Variants in ATF7IP observed in about 807,000 individuals in gnomAD.
ATF7IP encodes the protein activating transcription factor 7-interacting protein 1.
ATF7IP carries 23 observed loss-of-function variants against 106.4 expected under a neutral mutation model. That is an observed-to-expected ratio of 0.22 (90% confidence interval 0.16 to 0.31). The LOEUF (loss-of-function observed/expected upper bound fraction) is 0.31. Among genes scored for constraint, ATF7IP ranks in the 10% least tolerant of loss-of-function variants. The probability of loss-of-function intolerance (pLI) is 1.00; values close to 1 mark genes in which losing one functional copy is unlikely to be tolerated. For synonymous variants in ATF7IP, 542 were observed against 539.0 expected, an observed-to-expected ratio of 1.01 and a Z score of -0.08; for missense variants, 1,334 against 1,524.3, an observed-to-expected ratio of 0.88 and a Z score of 2.08.
chr12:14,471,785 C>T (rs1243654701), intron 10 of ATF7IP, among the ~76,000 whole-genome samples: 1 of 152,262 alleles, frequency 6.6e-6, no homozygotes, highest in African/African-American at 2.4e-5. Context: ...ACCTCCCACC[C>T]AGTCCCTCCC....
chr12:14,400,095 TA>T lies in ATF7IP; in HGVS notation c.-7-23813del, dbSNP rs1160432210. Among the ~76,000 whole-genome samples the T allele has an allele frequency of 7.9e-5, 12 of 152,340 alleles. No individual in the cohort carries two copies. The East Asian group carries it at 1.9e-3, about 24-fold the overall frequency. On this transcript the variant is annotated intron_variant, in intron 1 of 14. Transcript: ENST00000261168. ...TGTCTGATGAACTTAACTGTTCAAA[TA>T]CCAATTACATGAGTGAATTTTCATG...
At chr12:14,413,951 G>A (rs1941063041) in intron 1 of ATF7IP, among the ~76,000 whole-genome samples, 1 of 152,110 alleles carries the variant, frequency 6.6e-6, no homozygotes, top group Admixed American at 6.6e-5. Flanking sequence ...AATTATATGT[G>A]TCAGTATAGC....
In ATF7IP at chr12:14,425,486, CTTAAATG is replaced by C. The variant is rs1941795830; in HGVS notation, c.1558+19_1558+25del. The C allele has an allele frequency of 3.3e-6, 5 of 1,497,822 alleles. No individual in the cohort carries two copies. Among genetic ancestry groups the C allele is most frequent in the Non-Finnish European group, 4.4e-6 (5 of 1,125,968 alleles). 92.8% of individuals were successfully genotyped at this position (1,497,822 alleles called of 1,614,324 possible). On this transcript the variant is annotated intron_variant, in intron 2 of 14. Coordinates refer to ENST00000261168, the MANE Select transcript of ATF7IP (RefSeq NM_018179.5). The stretch of plus-strand genomic sequence containing the variant: ...ACGTGCTCTCCAGGTTAGCATATAA[CTTAAATG>C]TTAAAGATTTTTTATTGACTTTGAT...
chr12:14,401,714 C>CTT (rs3083699), intron 1 of ATF7IP, among the ~76,000 whole-genome samples: 885 of 76,876 alleles, frequency 0.012, 56 homozygotes, highest in Middle Eastern at 0.034. Context: ...AGAGATTAAG[C>CTT]TTTTTTTTTT....
At chr12:14,462,366 A>G (rs1943675301) in intron 9 of ATF7IP, among the ~76,000 whole-genome samples, 1 of 151,882 alleles carries the variant, frequency 6.6e-6, no homozygotes, top group African/African-American at 2.4e-5. Context: ...ATTTTTCTGT[A>G]ACTTCTTTTT....
At chr12:14,485,253 G>A (rs1487238294) in intron 13 of ATF7IP, among the ~76,000 whole-genome samples, 1 of 151,898 alleles carries the variant, frequency 6.6e-6, no homozygotes, top group Non-Finnish European at 1.5e-5. Context: ...AAATGGGCTG[G>A]AGTAACACAC....
chr12:14,376,371 TG>T (rs1215724498), intron 1 of ATF7IP, among the ~76,000 whole-genome samples: 2 of 152,248 alleles, frequency 1.3e-5, no homozygotes, highest in Non-Finnish European at 2.9e-5. Context: ...CCATAAAGTT[TG>T]TTAAATGATT....
Position 14,466,383 on chromosome 12 carries a change from C to T in ATF7IP, c.2798-143C>T, listed in dbSNP as rs989052821. 1.8e-5 allele frequency: 12 copies of T among 672,766 alleles called. No homozygotes were observed. In the African/African-American group the frequency reaches 2.2e-4, roughly 12 times the overall value. 41.7% of individuals were successfully genotyped at this position (672,766 alleles called of 1,614,324 possible). A position where few individuals can be genotyped will look rare whatever the true frequency, so the allele number is the denominator to read the frequency against. On this transcript the variant is annotated intron_variant, in intron 9 of 14. Coordinates refer to ENST00000261168, the MANE Select transcript of ATF7IP (RefSeq NM_018179.5). Reference sequence around the variant, plus strand: ...ATCTGAAAGATACTATAGCAGTGGTCTGTGAATTTGAGTTTTTATTTATGT... The same window carrying T: ...ATCTGAAAGATACTATAGCAGTGGTTTGTGAATTTGAGTTTTTATTTATGT...
chr12:14,400,434 G>C (rs1472278087), intron 1 of ATF7IP, among the ~76,000 whole-genome samples: 1 of 147,558 alleles, frequency 6.8e-6, no homozygotes, highest in African/African-American at 2.5e-5. Context: ...GAGGTAAGGA[G>C]AAGATATATA....
chr12:14,384,675 C>G (rs1453633057), intron 1 of ATF7IP, among the ~76,000 whole-genome samples: 1 of 152,016 alleles, frequency 6.6e-6, no homozygotes. Context: ...ATTCTGTTAT[C>G]AAGGTTCAAA....
chr12:14,375,812 C>T (rs1157039812), intron 1 of ATF7IP, among the ~76,000 whole-genome samples: 5 of 152,198 alleles, frequency 3.3e-5, no homozygotes, highest in Non-Finnish European at 5.9e-5. Context: ...ATCAATTAGT[C>T]AGTCATGAAT....
At chr12:14,372,278 C>G (rs1412974334) in intron 1 of ATF7IP, among the ~76,000 whole-genome samples, 1 of 152,058 alleles carries the variant, frequency 6.6e-6, no homozygotes, top group African/African-American at 2.4e-5. Context: ...ATTCAGCTTG[C>G]ATGGTGGAAA....
At chr12:14,379,313 G>GC (rs1477502731) in intron 1 of ATF7IP, among the ~76,000 whole-genome samples, 1 of 151,836 alleles carries the variant, frequency 6.6e-6, no homozygotes, top group South Asian at 2.1e-4. Context: ...AATTTCCTGA[G>GC]CCCCCACCCC....
In ATF7IP at chr12:14,396,942, C is replaced by T. The variant is rs542927272; in HGVS notation, c.-7-26967C>T. Among the ~76,000 whole-genome samples the T allele has an allele frequency of 3.6e-3, 549 of 152,230 alleles. 2 individuals are homozygous for T. Among genetic ancestry groups the T allele is most frequent in the Non-Finnish European group, 5.0e-3 (338 of 68,008 alleles). The stretch of plus-strand genomic sequence containing the variant: ...TTGGGAGGCCGAGGCAGGTGAATCA[C>T]CTGAGGTCAGGAGTTCGAGACCAGC... On this transcript the variant is annotated intron_variant, in intron 1 of 14. Coordinates refer to ENST00000261168, the MANE Select transcript of ATF7IP (RefSeq NM_018179.5).
At chr12:14,448,468 C>T (rs1943072465) in intron 6 of ATF7IP, among the ~76,000 whole-genome samples, 1 of 152,160 alleles carries the variant, frequency 6.6e-6, no homozygotes, top group African/African-American at 2.4e-5. Flanking sequence ...GCCCCCATCA[C>T]AGTCAAGATA....
At chr12:14,423,621 T>C (rs1212415611) in intron 1 of ATF7IP, 2 of 173,908 alleles carry the variant, frequency 1.2e-5, no homozygotes, top group Non-Finnish European at 2.3e-5. Flanking sequence ...TTTTTTTTGC[T>C]TAAACATCTC....
At chr12:14,479,974 GTGTAGA>G (rs1468682353) in intron 12 of ATF7IP, among the ~76,000 whole-genome samples, 1 of 152,142 alleles carries the variant, frequency 6.6e-6, no homozygotes, top group African/African-American at 2.4e-5. Context: ...CCCATGGGCA[GTGTAGA>G]TTATGGAATG....
rs146816712 is a variant in ATF7IP, at chr12:14,424,300, C to G, written c.385C>G (p.Pro129Ala). The change falls in exon 2 of 15, where the codon CCA (proline) becomes GCA (alanine). Residue 129 changes from proline to alanine, a missense_variant. This residue lies in a region of ATF7IP where 438 missense variants were observed against 405.3 expected (regional missense o/e 1.08). Coordinates refer to ENST00000261168, the MANE Select transcript of ATF7IP (RefSeq NM_018179.5). ...ACCAGTCTCTAAACTGCCTGCTGAA[C>G]CAGTTTCTGGTGATCCAGCCCCTGG... ...PEPVSKLPAE[P>A]VSGDPAPGDL... 1.2e-4 allele frequency: 188 copies of G among 1,614,116 alleles called. 1 individual carries two copies. Among genetic ancestry groups the G allele is most frequent in the Non-Finnish European group, 6.5e-5 (77 of 1,180,046 alleles).
intron 5 of ATF7IP, among the ~76,000 whole-genome samples, chr12:14,443,764 G>A (rs1942820490): frequency 6.6e-6 from 1 of 152,168 alleles, no homozygotes; most frequent in African/African-American, 2.4e-5. Context: ...CAATTGGTAA[G>A]TGGGAACCCA....
Sources: allele counts gnomAD v4.1 joint callset (sites outside exome capture counted in the v4.1 genomes callset), GRCh38; gene constraint gnomAD v4.1.1; regional missense constraint gnomAD v4.1.1; transcripts MANE v1.5; gene names NCBI Gene and HGNC (gene_info 2026-07-23, HGNC 2026-07-21).